The following QNG1 variants were observed in gnomAD, a reference collection of about 807,000 sequenced individuals.
QNG1 encodes Q-nucleotide N-glycosylase 1, also known as queuosine 5'-phosphate N-glycosylase/hydrolase.
the QNG1 span, chr9:83,938,974 C>A: frequency 1.9e-5 from 3 of 156,730 alleles, no homozygotes; most frequent in Non-Finnish European, 4.2e-5. Flanking sequence ...GTCTTGAACT[C>A]CTCGCCTCAA....
chr9:83,952,806 A>AC, the QNG1 span, among the ~76,000 whole-genome samples: 2 of 151,102 alleles, frequency 1.3e-5, no homozygotes, highest in African/African-American at 4.9e-5. Flanking sequence ...AAAAAAAAAA[A>AC]AAAAAACAAA....
At chr9:83,955,476 GA>G in the QNG1 span, 2 of 1,614,122 alleles carry the variant, frequency 1.2e-6, no homozygotes. Context: ...ACGCAGTTGA[GA>G]AAAGAGCCTC....
chr9:83,942,965 A>G, the QNG1 span, among the ~76,000 whole-genome samples: 6 of 152,354 alleles, frequency 3.9e-5, no homozygotes, highest in African/African-American at 1.4e-4. Context: ...ATTAAGTGCC[A>G]TAAAAACTGA....
At chr9:83,941,956 A>C in the QNG1 span, among the ~76,000 whole-genome samples, 4 of 152,006 alleles carry the variant, frequency 2.6e-5, no homozygotes. Flanking sequence ...AGACACAAGG[A>C]TAAGAAGGCC....
chr9:83,942,791 C>A, the QNG1 span, among the ~76,000 whole-genome samples: 1 of 152,002 alleles, frequency 6.6e-6, no homozygotes, highest in East Asian at 1.9e-4. Context: ...AGGAGAGTAC[C>A]CTTTTAGAAG....
At chr9:83,940,809 C>T in the QNG1 span, among the ~76,000 whole-genome samples, 11 of 152,314 alleles carry the variant, frequency 7.2e-5, no homozygotes, top group South Asian at 2.3e-3. Flanking sequence ...TCTCACAGTA[C>T]CCAGGATATC....
chr9:83,945,393 C>A, the QNG1 span, among the ~76,000 whole-genome samples: 2 of 135,460 alleles, frequency 1.5e-5, no homozygotes, highest in African/African-American at 5.5e-5. Flanking sequence ...AGAGGGAGAC[C>A]CTGTCTCAAA....
chr9:83,939,677 T>A, the QNG1 span: 2 of 1,614,194 alleles, frequency 1.2e-6, no homozygotes, highest in Non-Finnish European at 1.7e-6. Flanking sequence ...CCGGATCAGC[T>A]CAACACACCA....
At chr9:83,955,875 A>G in the QNG1 span, among the ~76,000 whole-genome samples, 1 of 152,226 alleles carries the variant, frequency 6.6e-6, no homozygotes. Context: ...AAATTGCTTT[A>G]TAACATCGGT....
chr9:83,939,814 A>C, the QNG1 span: 4 of 992,400 alleles, frequency 4.0e-6, no homozygotes, highest in South Asian at 1.3e-5. Flanking sequence ...TTTCCTGTAG[A>C]ACAAAACAGA....
the QNG1 span, chr9:83,956,110 A>T: frequency 1.3e-6 from 2 of 1,574,040 alleles, no homozygotes; most frequent in Non-Finnish European, 8.7e-7. Context: ...CACACACCCC[A>T]AGTAAATGGA....
At chr9:83,948,963 C>T in the QNG1 span, among the ~76,000 whole-genome samples, 104 of 151,812 alleles carry the variant, frequency 6.9e-4, no homozygotes, top group Admixed American at 1.2e-3. Context: ...TGCGGAAGGC[C>T]GCAGGGTCCT....
chr9:83,948,271 G>A, the QNG1 span, among the ~76,000 whole-genome samples: 4 of 146,148 alleles, frequency 2.7e-5, no homozygotes, highest in Non-Finnish European at 6.0e-5. Flanking sequence ...GAGCCCCTCC[G>A]CCCAGCAGCC....
the QNG1 span, chr9:83,956,494 C>T: frequency 6.6e-7 from 1 of 1,522,026 alleles, no homozygotes; most frequent in Non-Finnish European, 8.8e-7. Context: ...TTTAGGAGCC[C>T]GTCCATTCTG....
chr9:83,955,574 C>A, the QNG1 span: 3 of 1,614,030 alleles, frequency 1.9e-6, no homozygotes, highest in African/African-American at 2.7e-5. Context: ...TGTGTCAGAA[C>A]GAAGTATATT....
the QNG1 span, chr9:83,944,816 G>C: frequency 1.8e-4 from 283 of 1,613,004 alleles, no homozygotes; most frequent in Non-Finnish European, 2.4e-4. Context: ...TCTTCAGTAG[G>C]TCATCAGAGT....
At chr9:83,953,843 A>G in the QNG1 span, 2 of 1,537,598 alleles carry the variant, frequency 1.3e-6, no homozygotes, top group Non-Finnish European at 1.8e-6. Context: ...GTTCAAGTAC[A>G]CTGTGTATGA....
At chr9:83,945,136 G>A in the QNG1 span, 7 of 660,186 alleles carry the variant, frequency 1.1e-5, no homozygotes, top group Middle Eastern at 1.6e-3. Flanking sequence ...GGGCACCATG[G>A]CTCCCGCCTG....
the QNG1 span, among the ~76,000 whole-genome samples, chr9:83,946,635 C>A: frequency 6.6e-6 from 1 of 152,074 alleles, no homozygotes; most frequent in East Asian, 1.9e-4. Flanking sequence ...ACTTGTAATC[C>A]CATCAATTTG....
Sources: allele counts gnomAD v4.1 joint callset (sites outside exome capture counted in the v4.1 genomes callset), GRCh38; gene constraint gnomAD v4.1.1; transcripts MANE v1.5; gene names NCBI Gene and HGNC (gene_info 2026-07-23, HGNC 2026-07-21).